DNAH8: variants seen among roughly 807,000 people sequenced by gnomAD.
The protein encoded by DNAH8 is dynein axonemal heavy chain 8.
DNAH8 carries 382 observed loss-of-function variants against 562.1 expected under a neutral mutation model. The observed-to-expected ratio is 0.68, with a 90% CI of 0.63 to 0.74. DNAH8 has a LOEUF of 0.74. Ranked by LOEUF, DNAH8 falls within the 30% of genes least tolerant of loss-of-function variation. DNAH8 has a pLI of 0.00. For synonymous variants in DNAH8, 1,881 were observed against 1,919.4 expected (o/e 0.98, Z 0.52); for missense variants, 5,203 against 5,620.4 (o/e 0.93, Z 2.37).
chr6:38,919,888 C>G (rs910674864), intron 70 of DNAH8, among the ~76,000 whole-genome samples: 1 of 152,050 alleles, frequency 6.6e-6, no homozygotes, highest in Non-Finnish European at 1.5e-5. Context: ...CACTCATAAG[C>G]ATACATACAC....
chr6:39,012,716 A>G lies in DNAH8; in HGVS notation c.13714+79A>G, dbSNP rs1375330350. 5 of 1,057,622 alleles carry G rather than the reference A, an allele frequency of 4.7e-6. No individual in the cohort carries two copies. The East Asian group carries it at 7.1e-5, about 15-fold the overall frequency. 65.5% of individuals were successfully genotyped at this position (1,057,622 alleles called of 1,614,324 possible). A position where few individuals can be genotyped will look rare whatever the true frequency, so the allele number is the denominator to read the frequency against. On this transcript the variant is annotated intron_variant, in intron 91 of 92. Coordinates refer to ENST00000327475, the MANE Select transcript of DNAH8 (RefSeq NM_001206927.2). ...TAGCATCGTGTGATAAATATATACC[A>G]TATAAAACAATATGGAGGCGTAGCT...
At chr6:38,981,467 C>T (rs1337918448) in intron 85 of DNAH8, among the ~76,000 whole-genome samples, 3 of 152,186 alleles carry the variant, frequency 2.0e-5, no homozygotes, top group Non-Finnish European at 2.9e-5. Context: ...GCACAGGAGT[C>T]TCTTAGGCCC....
chr6:38,875,906 T>C (rs984741903), intron 53 of DNAH8, 78 bp downstream of exon 53: 5 of 866,816 alleles, frequency 5.8e-6, no homozygotes, highest in Non-Finnish European at 9.2e-6. Flanking sequence ...AACTCTTCTA[T>C]GAGAGAATAT....
chr6:39,028,616 A>C (rs1447344921), intron 92 of DNAH8, among the ~76,000 whole-genome samples: 1 of 152,148 alleles, frequency 6.6e-6, no homozygotes, highest in Non-Finnish European at 1.5e-5. Context: ...AAATAATTAC[A>C]TTCTAAGGTT....
intron 36 of DNAH8, among the ~76,000 whole-genome samples, chr6:38,847,592 A>G (rs1206755049): frequency 6.6e-6 from 1 of 152,042 alleles, no homozygotes; most frequent in Non-Finnish European, 1.5e-5. Flanking sequence ...CTTTCAGGGA[A>G]ATTATGAGTT....
chr6:38,874,068 T>TTCTTTCTTTCTTTC lies in DNAH8; in HGVS notation c.7620+693_7620+694insCTTTCTTTCTTTCT, dbSNP rs377254876. ...TTTCTTTCTTTCTTTCTTTCTTTCT[T>TTCTTTCTTTCTTTC]TTTCTTTCTTTCTTTCTTTCTTTCT... On this transcript the variant is annotated intron_variant, in intron 52 of 92. Coordinates refer to ENST00000327475, the MANE Select transcript of DNAH8 (RefSeq NM_001206927.2). Among the ~76,000 whole-genome samples the TTCTTTCTTTCTTTC allele has an allele frequency of 2.5e-3, 141 of 57,072 alleles. 30 individuals are homozygous for TTCTTTCTTTCTTTC. The highest frequency in any genetic ancestry group is 7.3e-3 in the African/African-American group (114 of 15,642). The allele number at this position is 57,072 out of a possible 152,430, so 37.4% of individuals were successfully genotyped here.
chr6:38,993,678 C>G (rs1032304027), intron 88 of DNAH8, among the ~76,000 whole-genome samples: 4 of 124,782 alleles, frequency 3.2e-5, no homozygotes, highest in Non-Finnish European at 5.3e-5. Context: ...CAAACTATAT[C>G]TATTGTGTTG....
At chr6:38,762,193 C>T (rs938988161) in intron 11 of DNAH8, among the ~76,000 whole-genome samples, 2 of 152,134 alleles carry the variant, frequency 1.3e-5, no homozygotes, top group East Asian at 1.9e-4. Flanking sequence ...ATGTTTCTAA[C>T]GTTTCCCCCA....
At chr6:38,964,474 G>A (rs1583466885) in intron 82 of DNAH8, among the ~76,000 whole-genome samples, 1 of 150,448 alleles carries the variant, frequency 6.6e-6, no homozygotes, top group African/African-American at 2.4e-5. Flanking sequence ...TTCATATGTT[G>A]TGAATTTTAA....
chr6:38,855,867 C>T (rs1583194099), intron 41 of DNAH8, among the ~76,000 whole-genome samples: 2 of 152,140 alleles, frequency 1.3e-5, no homozygotes, highest in Non-Finnish European at 2.9e-5. Context: ...TCAACGGCGG[C>T]ATGAGATTCT....
intron 74 of DNAH8, 65 bp from the exon 75 acceptor site, chr6:38,929,446 G>T: frequency 5.0e-6 from 7 of 1,406,732 alleles, no homozygotes; most frequent in South Asian, 3.6e-5. Flanking sequence ...CAAATCTCTC[G>T]GTTTCCCTTA....
At chr6:38,982,265 G>A (rs917073408) in intron 85 of DNAH8, 81 bp from the exon 86 acceptor site, 9 of 658,540 alleles carry the variant, frequency 1.4e-5, no homozygotes, top group Non-Finnish European at 2.5e-5. Context: ...TGATAATATA[G>A]CCTTAATTTT....
intron 26 of DNAH8, among the ~76,000 whole-genome samples, chr6:38,818,886 C>T (rs574097664): frequency 1.3e-5 from 2 of 152,306 alleles, no homozygotes; most frequent in South Asian, 4.1e-4. Flanking sequence ...TCCTCAGAAG[C>T]GTTCTGCCTT....
intron 30 of DNAH8, among the ~76,000 whole-genome samples, chr6:38,831,969 G>A (rs944590880): frequency 3.3e-5 from 5 of 152,096 alleles, no homozygotes; most frequent in South Asian, 2.1e-4. Flanking sequence ...AATGACTGCA[G>A]GCATGTGACC....
chr6:38,818,520 GAAAGCA>G (rs980706589), intron 26 of DNAH8, among the ~76,000 whole-genome samples: 2 of 32,358 alleles, frequency 6.2e-5, no homozygotes, highest in Non-Finnish European at 1.2e-4. Flanking sequence ...TCCAAAATAA[GAAAGCA>G]AAAGCAAAAG....
intron 84 of DNAH8, 118 bp downstream of exon 84, chr6:38,973,931 A>G: frequency 1.5e-6 from 1 of 669,894 alleles, no homozygotes; most frequent in Non-Finnish European, 2.5e-6. Flanking sequence ...GGACTGCAAG[A>G]TCTTATACTA....
chr6:38,981,249 G>A (rs960856171), intron 85 of DNAH8, among the ~76,000 whole-genome samples: 1 of 152,128 alleles, frequency 6.6e-6, no homozygotes, highest in African/African-American at 2.4e-5. Context: ...GACTGATTAT[G>A]TGTTGCGATA....
intron 21 of DNAH8, among the ~76,000 whole-genome samples, chr6:38,802,287 C>T (rs1045197789): frequency 1.3e-4 from 19 of 151,872 alleles, no homozygotes; most frequent in African/African-American, 4.6e-4. Context: ...TGCTGTCACC[C>T]AGGCTGGAGT....
In DNAH8 at chr6:39,012,290, CAA is replaced by C. The variant is rs1321711738; in HGVS notation, c.13449_13450del (p.Arg4484SerfsTer8). On this transcript the variant is annotated frameshift_variant, in exon 90 of 93. Coordinates refer to ENST00000327475, the MANE Select transcript of DNAH8 (RefSeq NM_001206927.2). LOFTEE classifies it high-confidence loss of function. Reference protein sequence around the residue: ...IFLRQEIDRMQRVISILRSSL... With the variant: ...IFLRQEIDRMXRVISILRSSL... ...TCTTAGACAAGAAATTGACAGAATG[CAA>C]AGAGTCATTTCAATACTCCGCAGTA... The C allele has an allele frequency of 1.9e-6, 3 of 1,612,590 alleles. No homozygotes were observed. Among genetic ancestry groups the C allele is most frequent in the South Asian group, 2.2e-5 (2 of 90,968 alleles).
Sources: allele counts gnomAD v4.1 joint callset (sites outside exome capture counted in the v4.1 genomes callset), GRCh38; gene constraint gnomAD v4.1.1; transcripts MANE v1.5; gene names NCBI Gene and HGNC (gene_info 2026-07-23, HGNC 2026-07-21).